The following FOXO1 variants were observed in gnomAD, a reference collection of about 807,000 sequenced individuals.
The protein encoded by FOXO1 is forkhead box O1.
A neutral mutation model predicts 44.1 loss-of-function variants in FOXO1; 6 were observed. The ratio of observed to expected loss-of-function variants is 0.14; its 90% confidence interval spans 0.07 to 0.27. The LOEUF (loss-of-function observed/expected upper bound fraction) is 0.27. Among genes scored for constraint, FOXO1 ranks in the 10% least tolerant of loss-of-function variants. FOXO1 has a pLI of 1.00. For missense variants in FOXO1, 737 were observed against 888.8 expected (o/e 0.83, Z 2.17); for synonymous variants, 380 against 362.7 (o/e 1.05, Z -0.54).
chr13:40,605,000 C>T (rs571333783), intron 1 of FOXO1, among the ~76,000 whole-genome samples: 1 of 152,046 alleles, frequency 6.6e-6, no homozygotes, highest in South Asian at 2.1e-4. Flanking sequence ...AAAACTGGTA[C>T]ATATTTGATT....
chr13:40,598,380 T>G (rs1875676774), intron 1 of FOXO1, among the ~76,000 whole-genome samples: 1 of 152,178 alleles, frequency 6.6e-6, no homozygotes, highest in South Asian at 2.1e-4. Flanking sequence ...CAAATAAATT[T>G]CTTTCCCTAA....
intron 1 of FOXO1, among the ~76,000 whole-genome samples, chr13:40,575,915 T>C (rs1481007237): frequency 2.0e-5 from 3 of 152,254 alleles, no homozygotes; most frequent in South Asian, 2.1e-4. Context: ...ATTCTTGAGG[T>C]AGGGCAGAGC....
At chr13:40,665,359 C>A (rs957695543) in intron 1 of FOXO1, among the ~76,000 whole-genome samples, 1 of 152,148 alleles carries the variant, frequency 6.6e-6, no homozygotes, top group Non-Finnish European at 1.5e-5. Context: ...CCCAACGAGC[C>A]CCTTACCGCG....
At chr13:40,620,227 C>T (rs560752633) in intron 1 of FOXO1, 4 of 1,563,872 alleles carry the variant, frequency 2.6e-6, no homozygotes, top group Middle Eastern at 1.7e-4. Flanking sequence ...CACACTGGAC[C>T]TTCAAGTGAG....
intron 2 of FOXO1, 70 bp downstream of exon 2, chr13:40,559,439 G>A: frequency 7.2e-7 from 1 of 1,383,934 alleles, no homozygotes; most frequent in Non-Finnish European, 9.8e-7. Context: ...GCTAACCATG[G>A]CAAGTTACTG....
chr13:40,614,277 A>T (rs1202899210), intron 1 of FOXO1, among the ~76,000 whole-genome samples: 1 of 152,214 alleles, frequency 6.6e-6, no homozygotes, highest in African/African-American at 2.4e-5. Flanking sequence ...TTAAAGCTAG[A>T]TATGTTTAAC....
intron 1 of FOXO1, among the ~76,000 whole-genome samples, chr13:40,567,079 G>C (rs1309058808): frequency 6.6e-6 from 1 of 151,974 alleles, no homozygotes; most frequent in African/African-American, 2.4e-5. Context: ...CTTCCAACCT[G>C]AGCTGCCACT....
chr13:40,562,449 T>C (rs1566061620), intron 1 of FOXO1, among the ~76,000 whole-genome samples: 1 of 152,228 alleles, frequency 6.6e-6, no homozygotes, highest in African/African-American at 2.4e-5. Flanking sequence ...TAGCCCCTAA[T>C]GTGTCTTAAG....
At chr13:40,642,711 G>C (rs1322428689) in intron 1 of FOXO1, among the ~76,000 whole-genome samples, 1 of 152,074 alleles carries the variant, frequency 6.6e-6, no homozygotes, top group Non-Finnish European at 1.5e-5. Flanking sequence ...CTGAGCTCAG[G>C]AGTTCGAAAC....
chr13:40,633,656 G>A (rs922909182), intron 1 of FOXO1, among the ~76,000 whole-genome samples: 1 of 152,146 alleles, frequency 6.6e-6, no homozygotes, highest in African/African-American at 2.4e-5. Context: ...CTTTAGGGAT[G>A]ATAAAAATGA....
chr13:40,558,734 A>AATT lies in FOXO1; in HGVS notation c.*314_*315insAAT. ...GCTTATATACAAAACTTGAAAGCAC[A>AATT]CCAGGATCTGAAAATCTTTTCTGCA... On this transcript the variant is annotated 3_prime_UTR_variant, in exon 3 of 3. Coordinates refer to ENST00000379561, the MANE Select transcript of FOXO1 (RefSeq NM_002015.4). 1 of 398,564 alleles carries AATT rather than the reference A, an allele frequency of 2.5e-6. No homozygotes were observed. The highest frequency in any genetic ancestry group is 1.3e-4 in the South Asian group (1 of 7,614). The allele number at this position is 398,564 out of a possible 1,614,324, so 24.7% of individuals were successfully genotyped here. A position where few individuals can be genotyped will look rare whatever the true frequency, so the allele number is the denominator to read the frequency against.
chr13:40,650,909 C>T (rs1484070994), intron 1 of FOXO1, among the ~76,000 whole-genome samples: 2 of 152,022 alleles, frequency 1.3e-5, no homozygotes, highest in East Asian at 1.9e-4. Flanking sequence ...CATGCACCAC[C>T]ATGCCCAGCT....
chr13:40,564,755 T>C (rs541702094), intron 1 of FOXO1, among the ~76,000 whole-genome samples: 1 of 152,270 alleles, frequency 6.6e-6, no homozygotes, highest in African/African-American at 2.4e-5. Flanking sequence ...CTTGCCCAAA[T>C]CCAGCGTTTC....
intron 1 of FOXO1, among the ~76,000 whole-genome samples, chr13:40,627,619 G>C (rs1370386447): frequency 6.6e-6 from 1 of 152,108 alleles, no homozygotes; most frequent in Non-Finnish European, 1.5e-5. Context: ...GGTCATCTGA[G>C]GTCGGGAGTT....
rs774180443 is a variant in FOXO1, at chr13:40,655,637, C to CTTTTTT, written c.630+9940_630+9945dup. Among the ~76,000 whole-genome samples, 120 of 101,264 alleles carry CTTTTTT rather than the reference C, an allele frequency of 1.2e-3. 2 individuals carry two copies. The highest frequency in any genetic ancestry group is 2.3e-3 in the African/African-American group (57 of 24,530). 66.4% of individuals were successfully genotyped at this position (101,264 alleles called of 152,430 possible). A position where few individuals can be genotyped will look rare whatever the true frequency, so the allele number is the denominator to read the frequency against. ...ATTAGTAAAATAGTTTTCTACACTT[C>CTTTTTT]TTTTTTTTTTTTTTTTTTTTTGGCA... is the stretch of plus-strand genomic sequence containing the variant. On this transcript the variant is annotated intron_variant, in intron 1 of 2. Transcript: ENST00000379561.
At chr13:40,637,710 T>G (rs934270012) in intron 1 of FOXO1, among the ~76,000 whole-genome samples, 1 of 152,198 alleles carries the variant, frequency 6.6e-6, no homozygotes, top group Non-Finnish European at 1.5e-5. Flanking sequence ...AGTTACTATT[T>G]ACATTCTTCA....
intron 1 of FOXO1, among the ~76,000 whole-genome samples, chr13:40,582,429 T>C (rs993164058): frequency 5.9e-5 from 9 of 152,230 alleles, no homozygotes; most frequent in Non-Finnish European, 1.0e-4. Context: ...GCCTGATTGA[T>C]TGACTCTTTC....
At chr13:40,630,524 G>A (rs1410082708) in intron 1 of FOXO1, among the ~76,000 whole-genome samples, 3 of 151,908 alleles carry the variant, frequency 2.0e-5, no homozygotes, top group African/African-American at 4.8e-5. Flanking sequence ...GTGCAGTGGC[G>A]CGCGCCTGTA....
rs1207898214 is a variant in FOXO1 at position 40,556,377 on chromosome 13, A to G, written c.*2672T>C. ...TAAATATATTCCATACGTCTATATTACGGAAACAATACATCTTTATATTTA... is the reference window on the plus strand; with the variant it reads ...TAAATATATTCCATACGTCTATATTGCGGAAACAATACATCTTTATATTTA... On this transcript the variant is annotated 3_prime_UTR_variant, in exon 3 of 3. Coordinates refer to ENST00000379561, the MANE Select transcript of FOXO1 (RefSeq NM_002015.4). The G allele has an allele frequency of 2.6e-5, 4 of 152,682 alleles. No homozygotes were observed. Among genetic ancestry groups the G allele is most frequent in the African/African-American group, 9.6e-5 (4 of 41,462 alleles). 9.5% of individuals were successfully genotyped at this position (152,682 alleles called of 1,614,324 possible). A position where few individuals can be genotyped will look rare whatever the true frequency, so the allele number is the denominator to read the frequency against.
Sources: allele counts gnomAD v4.1 joint callset (sites outside exome capture counted in the v4.1 genomes callset), GRCh38; gene constraint gnomAD v4.1.1; transcripts MANE v1.5; gene names NCBI Gene and HGNC (gene_info 2026-07-23, HGNC 2026-07-21).